The following COL24A1 variants were observed in gnomAD, a reference collection of about 807,000 sequenced individuals.
COL24A1 encodes the protein collagen type XXIV alpha 1 chain.
Under a neutral mutation model 253.9 loss-of-function variants are expected in COL24A1, and 224 were observed. That is an observed-to-expected ratio of 0.88 (90% confidence interval 0.79 to 0.99). The LOEUF (loss-of-function observed/expected upper bound fraction) is 0.99, where lower values mean the gene tolerates loss of function less well. COL24A1 is among the 50% of genes least tolerant of loss of function. The probability of loss-of-function intolerance (pLI) is 0.00; values close to 1 mark genes in which losing one functional copy is unlikely to be tolerated. For synonymous variants in COL24A1, 685 were observed against 673.7 expected (o/e 1.02, Z -0.26); for missense variants, 2,131 against 2,068.5 (o/e 1.03, Z -0.59).
In COL24A1 at chr1:85,729,890, T is replaced by C. The variant is rs950660889; in HGVS notation, c.*656A>G. On this transcript the variant is annotated 3_prime_UTR_variant, in exon 60 of 60. Coordinates refer to ENST00000370571, the MANE Select transcript of COL24A1 (RefSeq NM_152890.7). ...ATAGTTTCACGTGTTATTAAGTGTG[T>C]GACCAAACAAATTAAAATAAGTACT... 6.6e-6 allele frequency: 1 copy of C among 152,592 alleles called. No homozygotes were observed. Among genetic ancestry groups the C allele is most frequent in the Non-Finnish European group, 1.5e-5 (1 of 68,034 alleles). The allele number at this position is 152,592 out of a possible 1,614,324, so 9.5% of individuals were successfully genotyped here. A position where few individuals can be genotyped will look rare whatever the true frequency, so the allele number is the denominator to read the frequency against.
At chr1:85,947,358 G>C (rs1375461132) in intron 24 of COL24A1, among the ~76,000 whole-genome samples, 1 of 152,136 alleles carries the variant, frequency 6.6e-6, no homozygotes, top group South Asian at 2.1e-4. Flanking sequence ...TCTAGTGTCC[G>C]CAGTCCAGTG....
chr1:85,993,027 A>C (rs932532805), intron 19 of COL24A1, among the ~76,000 whole-genome samples: 3 of 152,152 alleles, frequency 2.0e-5, no homozygotes, highest in Admixed American at 1.3e-4. Context: ...GTAAAAACAA[A>C]GTTTTATTAT....
chr1:86,013,589 AT>A (rs1696732969), intron 19 of COL24A1, among the ~76,000 whole-genome samples: 1 of 152,214 alleles, frequency 6.6e-6, no homozygotes, highest in Non-Finnish European at 1.5e-5. Context: ...TAATCCCAGC[AT>A]TTTGGGAGGC....
intron 24 of COL24A1, among the ~76,000 whole-genome samples, chr1:85,953,510 T>C (rs553167744): frequency 1.3e-5 from 2 of 152,342 alleles, no homozygotes; most frequent in South Asian, 4.1e-4. Context: ...GATCGTATAC[T>C]ACTTAAAGAT....
chr1:86,070,535 A>G (rs1433727491), intron 7 of COL24A1, among the ~76,000 whole-genome samples: 3 of 152,216 alleles, frequency 2.0e-5, no homozygotes, highest in Non-Finnish European at 4.4e-5. Context: ...AAGGTATTTA[A>G]TAATCAAACC....
chr1:86,015,716 A>G (rs183469207), intron 19 of COL24A1, among the ~76,000 whole-genome samples: 2 of 152,286 alleles, frequency 1.3e-5, no homozygotes, highest in Admixed American at 6.5e-5. Context: ...AATGATTAAA[A>G]TAAAAATTGT....
chr1:85,742,191 G>A lies in COL24A1; in HGVS notation c.4672+2475C>T, dbSNP rs568513457. Among the ~76,000 whole-genome samples the A allele has an allele frequency of 7.4e-5, 11 of 148,964 alleles. No homozygotes were observed. In the East Asian group the frequency reaches 9.9e-4, roughly 13 times the overall value. On this transcript the variant is annotated intron_variant, in intron 57 of 59. Coordinates refer to ENST00000370571, the MANE Select transcript of COL24A1 (RefSeq NM_152890.7). ...CTCTGTGGCCAGGCTGGAGTGTGGC[G>A]GTGTGATCTCAGCTCACTGCAATCT...
chr1:85,869,379 C>T (rs1570994025), intron 35 of COL24A1, among the ~76,000 whole-genome samples: 2 of 152,140 alleles, frequency 1.3e-5, no homozygotes, highest in East Asian at 3.9e-4. Flanking sequence ...AAGAGCAACT[C>T]CAAGACACAT....
chr1:85,811,192 C>A (rs887199008), intron 47 of COL24A1, among the ~76,000 whole-genome samples: 1 of 152,142 alleles, frequency 6.6e-6, no homozygotes, highest in Non-Finnish European at 1.5e-5. Context: ...CAAAAATATT[C>A]CAATGTCACA....
intron 57 of COL24A1, among the ~76,000 whole-genome samples, chr1:85,742,414 G>A (rs2100905507): frequency 6.6e-6 from 1 of 152,216 alleles, no homozygotes; most frequent in African/African-American, 2.4e-5. Flanking sequence ...TTACAGGCAT[G>A]AGCCACTGTG....
intron 19 of COL24A1, among the ~76,000 whole-genome samples, chr1:86,001,114 G>C (rs1695361818): frequency 6.6e-6 from 1 of 151,946 alleles, no homozygotes. Context: ...ACAATTCCAT[G>C]AAAAGCTAAA....
intron 43 of COL24A1, among the ~76,000 whole-genome samples, chr1:85,832,856 A>T (rs538676347): frequency 6.6e-6 from 1 of 150,854 alleles, no homozygotes; most frequent in South Asian, 2.1e-4. Context: ...TAGATATACA[A>T]TCATGTCATC....
At chr1:85,780,466 T>C (rs1374161751) in intron 52 of COL24A1, among the ~76,000 whole-genome samples, 1 of 152,184 alleles carries the variant, frequency 6.6e-6, no homozygotes, top group African/African-American at 2.4e-5. Context: ...CTCATTTTTA[T>C]GTTTTATTTC....
intron 24 of COL24A1, among the ~76,000 whole-genome samples, chr1:85,922,723 G>A (rs951863498): frequency 1.6e-4 from 25 of 152,186 alleles, no homozygotes; most frequent in Non-Finnish European, 3.4e-4. Flanking sequence ...ATGCCAAATT[G>A]TAAAGACCAT....
rs75449321 is a variant in COL24A1 at position 85,975,870 on chromosome 1, G to A, written c.2365-4477C>T. ...GGGGACCCTGAAAACCCAGATTACAGGAGAAGGATTTAACCTTACCTAGAG... is the reference window on the plus strand; with the variant it reads ...GGGGACCCTGAAAACCCAGATTACAAGAGAAGGATTTAACCTTACCTAGAG... On this transcript the variant is annotated intron_variant, in intron 20 of 59. Transcript: ENST00000370571. Among the ~76,000 whole-genome samples, 592 of 152,282 alleles carry A rather than the reference G, an allele frequency of 3.9e-3. 1 individual carries two copies. Among genetic ancestry groups the A allele is most frequent in the Non-Finnish European group, 6.2e-3 (424 of 68,040 alleles).
At chr1:85,832,006 C>T (rs1401023514) in intron 43 of COL24A1, among the ~76,000 whole-genome samples, 2 of 151,984 alleles carry the variant, frequency 1.3e-5, no homozygotes, top group Non-Finnish European at 2.9e-5. Context: ...TTGCCCATGC[C>T]TATGTCCTGA....
chr1:85,833,447 A>T (rs1675594896), intron 43 of COL24A1, among the ~76,000 whole-genome samples: 1 of 152,224 alleles, frequency 6.6e-6, no homozygotes, highest in Admixed American at 6.5e-5. Flanking sequence ...AATGGTGATC[A>T]GTAAAAAGTC....
intron 2 of COL24A1, among the ~76,000 whole-genome samples, chr1:86,131,089 T>C (rs1399159345): frequency 1.3e-5 from 2 of 151,956 alleles, no homozygotes; most frequent in African/African-American, 4.8e-5. Context: ...TGCTGTTCCA[T>C]GGTTCTCAGG....
At position 85,911,525 on chromosome 1, in the gene COL24A1, T is replaced by A. The variant is rs745729506; in HGVS notation, c.2563-92A>T. On this transcript the variant is annotated intron_variant, in intron 24 of 59. Coordinates refer to ENST00000370571, the MANE Select transcript of COL24A1 (RefSeq NM_152890.7). ...AAATCACCTGTAATCACTATGTTTC[T>A]TTCTAACTTATCCTAAATGTTATCT... 5.0e-6 allele frequency: 5 copies of A among 1,002,190 alleles called. No individual in the cohort carries two copies. The Admixed American group carries it at 8.0e-5, about 16-fold the overall frequency. The allele number at this position is 1,002,190 out of a possible 1,614,324, so 62.1% of individuals were successfully genotyped here.
Sources: gnomAD v4.1 joint callset for allele counts (sites outside exome capture counted in the v4.1 genomes callset) on GRCh38, gnomAD v4.1.1 for gene constraint, MANE v1.5 for transcripts, NCBI Gene and HGNC (gene_info 2026-07-23, HGNC 2026-07-21) for gene names.